The following GNAO1 variants were observed in gnomAD, a reference collection of about 807,000 sequenced individuals.
GNAO1 encodes guanine nucleotide-binding protein G(o) subunit alpha.
For missense variants in GNAO1, 166 were observed against 478.7 expected (o/e 0.35, Z 6.10); for synonymous variants, 164 against 180.7 (o/e 0.91, Z 0.74).
intron 2 of GNAO1, 76 bp from the exon 3 acceptor site, chr16:56,275,855 G>C (rs544987119): frequency 7.6e-7 from 1 of 1,308,328 alleles, no homozygotes; most frequent in Non-Finnish European, 1.0e-6. Context: ...GTCAGCCAGT[G>C]CGTCTCATGC....
At chr16:56,232,742 G>A (rs955136676) in intron 2 of GNAO1, among the ~76,000 whole-genome samples, 2 of 152,068 alleles carry the variant, frequency 1.3e-5, no homozygotes, top group African/African-American at 4.8e-5. Flanking sequence ...TATAAAATAC[G>A]TTGGAAAAAA....
intron 2 of GNAO1, among the ~76,000 whole-genome samples, chr16:56,241,719 G>T (rs1596816472): frequency 6.6e-6 from 1 of 152,236 alleles, no homozygotes; most frequent in African/African-American, 2.4e-5. Flanking sequence ...AGTGACTCAA[G>T]TTTGAGAAAT....
chr16:56,295,148 C>A lies in GNAO1; in HGVS notation c.303+19076C>A, dbSNP rs891989784. On this transcript the variant is annotated intron_variant, in intron 3 of 8. Transcript: ENST00000262493. ...CACCAGCTTCCACGTCTAGTCCATA[C>A]CTCCCTTTCCAGCATTGGGAGCCCT... Among the ~76,000 whole-genome samples, 4 of 152,296 alleles carry A rather than the reference C, an allele frequency of 2.6e-5. No individual in the cohort carries two copies. The South Asian group carries it at 8.3e-4, about 32-fold the overall frequency.
chr16:56,194,156 T>C (rs1384011055), intron 2 of GNAO1: 1 of 456,566 alleles, frequency 2.2e-6, no homozygotes, highest in Non-Finnish European at 4.4e-6. Context: ...TTATTTTTAT[T>C]CGAGAGCTCC....
intron 2 of GNAO1, among the ~76,000 whole-genome samples, chr16:56,224,544 C>T (rs1277470805): frequency 6.6e-6 from 1 of 152,194 alleles, no homozygotes; most frequent in African/African-American, 2.4e-5. Flanking sequence ...ATGTTGTGAT[C>T]TCAGCTCACT....
At chr16:56,314,338 T>G (rs2037487207) in intron 3 of GNAO1, among the ~76,000 whole-genome samples, 1 of 152,174 alleles carries the variant, frequency 6.6e-6, no homozygotes, top group African/African-American at 2.4e-5. Context: ...GAGACCCCAG[T>G]CTGAAATCCT....
At chr16:56,241,744 G>A (rs1386208587) in intron 2 of GNAO1, among the ~76,000 whole-genome samples, 1 of 152,246 alleles carries the variant, frequency 6.6e-6, no homozygotes, top group Non-Finnish European at 1.5e-5. Context: ...AACCAGACCT[G>A]CTGCTTTCCT....
At chr16:56,214,836 G>T (rs1484950750) in intron 2 of GNAO1, among the ~76,000 whole-genome samples, 1 of 152,248 alleles carries the variant, frequency 6.6e-6, no homozygotes, top group East Asian at 1.9e-4. Context: ...CATGGCCTGT[G>T]CCTGGCCTGG....
chr16:56,219,733 T>C (rs1322957704), intron 2 of GNAO1, among the ~76,000 whole-genome samples: 1 of 152,092 alleles, frequency 6.6e-6, no homozygotes, highest in Non-Finnish European at 1.5e-5. Flanking sequence ...GTGTGGCTCC[T>C]TCATGGCTCT....
At chr16:56,279,748 C>T (rs1320383001) in intron 3 of GNAO1, among the ~76,000 whole-genome samples, 1 of 152,206 alleles carries the variant, frequency 6.6e-6, no homozygotes, top group African/African-American at 2.4e-5. Context: ...GTCCTTTGAG[C>T]AGCTCATGAA....
At chr16:56,196,248 A>G (rs1026190969) in intron 2 of GNAO1, among the ~76,000 whole-genome samples, 1 of 152,164 alleles carries the variant, frequency 6.6e-6, no homozygotes, top group Admixed American at 6.5e-5. Flanking sequence ...CAGCACAAAT[A>G]TAATTTTATA....
intron 3 of GNAO1, among the ~76,000 whole-genome samples, chr16:56,304,769 G>A (rs1315463772): frequency 2.6e-5 from 4 of 152,226 alleles, no homozygotes; most frequent in African/African-American, 9.6e-5. Context: ...CCATGACTCA[G>A]TTTCAGAGTT....
intron 2 of GNAO1, among the ~76,000 whole-genome samples, chr16:56,244,040 C>G (rs1188331084): frequency 6.6e-6 from 1 of 152,200 alleles, no homozygotes; most frequent in Admixed American, 6.5e-5. Context: ...TGTCTGTGGT[C>G]ACACAGCTGG....
At chr16:56,272,290 C>G (rs1367391083) in intron 2 of GNAO1, among the ~76,000 whole-genome samples, 4 of 151,798 alleles carry the variant, frequency 2.6e-5, no homozygotes, top group African/African-American at 4.8e-5. Flanking sequence ...GCCTGGGCGA[C>G]AGACAGAGCG....
Position 56,344,776 on chromosome 16 carries a change from G to A in GNAO1, c.724-6608G>A, listed in dbSNP as rs973422570. ...TCTTTTTTCCAGTCACCAGGAGCTC[G>A]GATGGTCACTCTGAGGTGTGAATAG... is the stretch of plus-strand genomic sequence containing the variant. On this transcript the variant is annotated intron_variant, in intron 6 of 8. Coordinates refer to ENST00000262493, the MANE Select transcript of GNAO1 (RefSeq NM_020988.3). 2.6e-5 allele frequency: 26 copies of A among 985,318 alleles called. No homozygotes were observed. In the South Asian group the frequency reaches 5.6e-4, roughly 21 times the overall value. The allele number at this position is 985,318 out of a possible 1,614,324, so 61.0% of individuals were successfully genotyped here. A position where few individuals can be genotyped will look rare whatever the true frequency, so the allele number is the denominator to read the frequency against.
chr16:56,254,562 T>C (rs927281163), intron 2 of GNAO1, among the ~76,000 whole-genome samples: 1 of 152,174 alleles, frequency 6.6e-6, no homozygotes, highest in African/African-American at 2.4e-5. Flanking sequence ...TGTATACCTT[T>C]ATTTTAATCA....
chr16:56,208,446 TGTGCGCGC>T (rs1333868248), intron 2 of GNAO1, among the ~76,000 whole-genome samples: 1 of 137,560 alleles, frequency 7.3e-6, no homozygotes, highest in Non-Finnish European at 1.6e-5. Flanking sequence ...TGTGTGTGTG[TGTGCGCGC>T]GCGCGCACGT....
chr16:56,258,459 G>A (rs1202840009), intron 2 of GNAO1, among the ~76,000 whole-genome samples: 1 of 152,254 alleles, frequency 6.6e-6, no homozygotes, highest in Non-Finnish European at 1.5e-5. Context: ...GAAATGTTTG[G>A]AAAACCTGAA....
chr16:56,340,612 G>A (rs1403123466), intron 6 of GNAO1: 7 of 512,954 alleles, frequency 1.4e-5, no homozygotes, highest in South Asian at 5.2e-5. Flanking sequence ...AACCCTGCCC[G>A]GCCCTGCTCC....
Sources: allele counts gnomAD v4.1 joint callset (sites outside exome capture counted in the v4.1 genomes callset), GRCh38; gene constraint gnomAD v4.1.1; transcripts MANE v1.5; gene names NCBI Gene and HGNC (gene_info 2026-07-23, HGNC 2026-07-21).